Variants in STON1 observed in about 807,000 individuals in gnomAD.
STON1 encodes stonin-1.
A neutral mutation model predicts 60.9 loss-of-function variants in STON1; 79 were observed. The observed-to-expected ratio is 1.30, with a 90% CI of 1.08 to 1.56. The LOEUF (loss-of-function observed/expected upper bound fraction) is 1.56. Among genes scored for constraint, STON1 ranks in the 40% most tolerant of loss-of-function variants. The pLI, the probability that STON1 is intolerant of heterozygous loss-of-function variation, is 0.00. For missense variants in STON1, 1,166 were observed against 858.9 expected (o/e 1.36, Z -4.47); for synonymous variants, 363 against 306.9 (o/e 1.18, Z -1.91).
At chr2:48,564,578 TCTCCTCCTCCTCCTCCTCCTC>T (rs773952778) in intron 1 of STON1, among the ~76,000 whole-genome samples, 4,446 of 31,540 alleles carry the variant, frequency 0.14, 1,240 homozygotes, top group Non-Finnish European at 0.17. Context: ...TCCTTCTCCT[TCTCCTCCTCCTCCTCCTCCTC>T]CTCCTTCTCC....
At chr2:48,537,464 T>C (rs1398144306) in intron 1 of STON1, among the ~76,000 whole-genome samples, 2 of 152,152 alleles carry the variant, frequency 1.3e-5, no homozygotes, top group East Asian at 3.8e-4. Flanking sequence ...CATATACAGG[T>C]ATATTATTCT....
chr2:48,575,761 T>G (rs1453785408), intron 1 of STON1, among the ~76,000 whole-genome samples: 2 of 72,170 alleles, frequency 2.8e-5, no homozygotes, highest in African/African-American at 1.1e-4. Flanking sequence ...TTTTGTTTGT[T>G]TTTTTTTTTT....
Position 48,595,121 on chromosome 2 carries a change from G to C in STON1, c.2134-107G>C, listed in dbSNP as rs531848599. 25 of 848,072 alleles carry C rather than the reference G, an allele frequency of 2.9e-5. 1 individual carries two copies. In the South Asian group the frequency reaches 3.5e-4, roughly 12 times the overall value. 52.5% of individuals were successfully genotyped at this position (848,072 alleles called of 1,614,324 possible). ...GTAGAGGGCTGTGTCTGTGTCCAAA[G>C]GGTGAGGTTTGTGCAGTCTGTGCCA... is the stretch of plus-strand genomic sequence containing the variant. On this transcript the variant is annotated intron_variant, in intron 3 of 3. Coordinates refer to ENST00000404752, the MANE Select transcript of STON1 (RefSeq NM_006873.4).
At chr2:48,594,445 T>C (rs1674688678) in intron 3 of STON1, among the ~76,000 whole-genome samples, 1 of 152,208 alleles carries the variant, frequency 6.6e-6, no homozygotes, top group African/African-American at 2.4e-5. Context: ...CATTTAGTAA[T>C]TATCTGTTGC....
At chr2:48,583,306 C>G (rs1674006979) in intron 2 of STON1, among the ~76,000 whole-genome samples, 1 of 152,250 alleles carries the variant, frequency 6.6e-6, no homozygotes, top group Non-Finnish European at 1.5e-5. Flanking sequence ...CCAGGCTGCT[C>G]TTGAATTCCT....
At chr2:48,580,063 T>G (rs56160181) in intron 1 of STON1, among the ~76,000 whole-genome samples, 25,884 of 152,184 alleles carry the variant, frequency 0.17, 2,628 homozygotes, top group Middle Eastern at 0.26. Flanking sequence ...CCCACCACCA[T>G]GCTTGGCTAA....
chr2:48,585,269 A>T (rs1022690225), intron 2 of STON1, among the ~76,000 whole-genome samples: 5 of 150,450 alleles, frequency 3.3e-5, no homozygotes, highest in Admixed American at 6.6e-5. Flanking sequence ...TTTTTTTGGG[A>T]TGGAGTGTTG....
At chr2:48,561,405 G>T (rs924709521) in intron 1 of STON1, among the ~76,000 whole-genome samples, 1 of 152,146 alleles carries the variant, frequency 6.6e-6, no homozygotes, top group Non-Finnish European at 1.5e-5. Context: ...ATAGGGCAAA[G>T]TGCAGAATTT....
intron 1 of STON1, among the ~76,000 whole-genome samples, chr2:48,542,141 A>C (rs1334695311): frequency 1.3e-5 from 2 of 152,264 alleles, no homozygotes; most frequent in African/African-American, 4.8e-5. Flanking sequence ...AGAGGTTTAC[A>C]GTGAGCAATT....
intron 1 of STON1, among the ~76,000 whole-genome samples, chr2:48,548,734 A>C (rs1049901842): frequency 3.9e-5 from 6 of 152,136 alleles, no homozygotes; most frequent in Non-Finnish European, 8.8e-5. Context: ...TACTGACCTC[A>C]GGTGATCTGC....
chr2:48,548,202 A>G (rs752290798), intron 1 of STON1, among the ~76,000 whole-genome samples: 14 of 152,150 alleles, frequency 9.2e-5, no homozygotes, highest in Non-Finnish European at 1.9e-4. Context: ...GACTTCATTT[A>G]TTATTTCCTC....
intron 1 of STON1, among the ~76,000 whole-genome samples, chr2:48,564,405 G>GTCTTCTTCTTCCTCT (rs1672740502): frequency 2.4e-5 from 2 of 82,942 alleles, no homozygotes; most frequent in African/African-American, 4.6e-5. Flanking sequence ...CAGTGGCGGT[G>GTCTTCTTCTTCCTCT]TCTTCTTCTT....
intron 1 of STON1, among the ~76,000 whole-genome samples, chr2:48,549,726 G>C (rs192187447): frequency 1.2e-3 from 179 of 149,250 alleles, no homozygotes; most frequent in African/African-American, 4.3e-3. Context: ...GCAGGAGAAT[G>C]GCTTGAACTC....
chr2:48,540,564 C>G (rs1161274976), intron 1 of STON1, among the ~76,000 whole-genome samples: 1 of 152,082 alleles, frequency 6.6e-6, no homozygotes, highest in East Asian at 1.9e-4. Context: ...TGCCCCTTTC[C>G]TCATACTGCC....
intron 1 of STON1, among the ~76,000 whole-genome samples, chr2:48,578,139 T>A (rs186900727): frequency 9.2e-5 from 14 of 152,220 alleles, no homozygotes; most frequent in Admixed American, 5.9e-4. Flanking sequence ...CAGGCCTGGC[T>A]AATTTTTTTG....
At chr2:48,567,502 C>T (rs1362796639) in intron 1 of STON1, among the ~76,000 whole-genome samples, 1 of 152,186 alleles carries the variant, frequency 6.6e-6, no homozygotes. Context: ...GTCTCCGCCT[C>T]CTGTGTTCAA....
intron 2 of STON1, among the ~76,000 whole-genome samples, chr2:48,585,225 A>G (rs1259661811): frequency 1.3e-5 from 2 of 151,040 alleles, no homozygotes; most frequent in African/African-American, 2.4e-5. Flanking sequence ...GATATAATCC[A>G]CTGAGATGAT....
intron 1 of STON1, among the ~76,000 whole-genome samples, chr2:48,560,953 G>A (rs918180263): frequency 1.3e-5 from 2 of 152,082 alleles, no homozygotes. Context: ...GCCCATGAGG[G>A]AACTTTTCTG....
At chr2:48,539,342 T>G (rs1558568591) in intron 1 of STON1, among the ~76,000 whole-genome samples, 1 of 152,206 alleles carries the variant, frequency 6.6e-6, no homozygotes, top group African/African-American at 2.4e-5. Context: ...TTTTCATTAT[T>G]TTTACCTTTA....
Sources: gnomAD v4.1 joint callset for allele counts (sites outside exome capture counted in the v4.1 genomes callset) on GRCh38, gnomAD v4.1.1 for gene constraint, MANE v1.5 for transcripts, NCBI Gene and HGNC (gene_info 2026-07-23, HGNC 2026-07-21) for gene names.